ERICH1: variants seen among roughly 807,000 people sequenced by gnomAD.
The protein encoded by ERICH1 is glutamate-rich protein 1.
In ERICH1, 56 loss-of-function variants were observed where a neutral mutation model predicts 39.6. The observed-to-expected ratio is 1.41, with a 90% CI of 1.14 to 1.77. The LOEUF (loss-of-function observed/expected upper bound fraction) is 1.77, where lower values mean the gene tolerates loss of function less well. Among genes scored for constraint, ERICH1 ranks in the 40% most tolerant of loss-of-function variants. The pLI is 0.00. For synonymous variants in ERICH1, 313 were observed against 223.6 expected, an observed-to-expected ratio of 1.40 and a Z score of -3.57; for missense variants, 826 against 575.4, an observed-to-expected ratio of 1.44 and a Z score of -4.45.
intron 3 of ERICH1, among the ~76,000 whole-genome samples, chr8:654,637 T>C (rs1407005265): frequency 9.2e-5 from 14 of 152,156 alleles, no homozygotes; most frequent in Non-Finnish European, 1.3e-4. Context: ...AAGGGAAAGA[T>C]GGAAAGGAAC....
chr8:696,053 A>G (rs111088079), intron 2 of ERICH1, among the ~76,000 whole-genome samples: 9 of 5,784 alleles, frequency 1.6e-3, no homozygotes, highest in Admixed American at 4.1e-3. Flanking sequence ...CTCCCCATCA[A>G]CCTGCGCCTG....
At position 645,896 on chromosome 8, in the gene ERICH1, C is replaced by T. The variant is rs1397691686; in HGVS notation, c.976+22702G>A. On this transcript the variant is annotated intron_variant, in intron 3 of 3. Coordinates refer to the ERICH1 transcript ENST00000522706. ...CCTTCTGTTCTGAAATGGAACTTGG[C>T]GCTAACTGGATGATCAGGCATTTCT... 7.2e-5 allele frequency among the ~76,000 whole-genome samples: 5 copies of T among 69,118 alleles called. 2 individuals carry two copies. The highest frequency in any genetic ancestry group is 6.2e-4 in the Admixed American group (5 of 8,026). 45.3% of individuals were successfully genotyped at this position (69,118 alleles called of 152,430 possible).
At chr8:656,277 G>T (rs529372155) in intron 3 of ERICH1, among the ~76,000 whole-genome samples, 37 of 152,302 alleles carry the variant, frequency 2.4e-4, no homozygotes, top group African/African-American at 7.7e-4. Flanking sequence ...CCCCTGCAAA[G>T]CTGCTCCTCC....
chr8:636,123 G>A (rs745771790), intron 3 of ERICH1, among the ~76,000 whole-genome samples: 1 of 152,216 alleles, frequency 6.6e-6, no homozygotes, highest in Admixed American at 6.5e-5. Context: ...CTCAGCCTGG[G>A]GCTAATGTCT....
intron 2 of ERICH1, among the ~76,000 whole-genome samples, chr8:693,705 C>T (rs1433879520): frequency 1.3e-5 from 2 of 152,012 alleles, no homozygotes; most frequent in Admixed American, 6.6e-5. Context: ...AAGTCATCAC[C>T]ACCGTGGACG....
chr8:700,108 CGCGCACACACCCTCACAG>C (rs1811561215), intron 2 of ERICH1, among the ~76,000 whole-genome samples: 14 of 125,194 alleles, frequency 1.1e-4, no homozygotes, highest in South Asian at 2.6e-4. Flanking sequence ...GACCCGCACA[CGCGCACACACCCTCACAG>C]GCGCACAGAC....
At chr8:683,097 C>A (rs1178012320) in intron 3 of ERICH1, among the ~76,000 whole-genome samples, 2 of 152,190 alleles carry the variant, frequency 1.3e-5, no homozygotes, top group African/African-American at 4.8e-5. Flanking sequence ...CAAGGAAACA[C>A]TGGAGTCTCA....
rs75322776 is a variant in ERICH1 at position 656,832 on chromosome 8, C to T, written c.976+11766G>A. ...GGACTCCCTCACTCTGAAGAGCCCC[C>T]GGGGAGCCCCCCAGCATGCTCCAGC... is the stretch of plus-strand genomic sequence containing the variant. On this transcript the variant is annotated intron_variant, in intron 3 of 3. Transcript: ENST00000522706. 2,997 of 985,384 alleles carry T rather than the reference C, an allele frequency of 3.0e-3. 70 individuals carry two copies. The African/African-American group carries it at 0.049, about 16-fold the overall frequency. 61.0% of individuals were successfully genotyped at this position (985,384 alleles called of 1,614,324 possible).
intron 2 of ERICH1, among the ~76,000 whole-genome samples, chr8:708,698 T>TTTTTTTTTTG (rs1563319710): frequency 7.9e-5 from 11 of 139,770 alleles, no homozygotes; most frequent in South Asian, 7.4e-4. Flanking sequence ...TTTTTTTTTT[T>TTTTTTTTTTG]TTTTTTTTTT....
At chr8:723,761 C>T (rs960029735) in intron 1 of ERICH1, among the ~76,000 whole-genome samples, 3 of 152,092 alleles carry the variant, frequency 2.0e-5, no homozygotes, top group South Asian at 2.1e-4. Context: ...AGTTAAATGC[C>T]TGCTGAAAAT....
intron 3 of ERICH1, among the ~76,000 whole-genome samples, chr8:683,935 T>C (rs145297662): frequency 3.7e-4 from 56 of 152,360 alleles, no homozygotes; most frequent in African/African-American, 1.3e-3. Flanking sequence ...ACCGAATTAA[T>C]GTCCAAATTT....
intron 2 of ERICH1, among the ~76,000 whole-genome samples, chr8:708,872 T>G (rs1814064555): frequency 6.6e-6 from 1 of 151,696 alleles, no homozygotes; most frequent in Admixed American, 6.6e-5. Flanking sequence ...TTTGTACTTT[T>G]TGCTAGAGAT....
At chr8:704,816 A>AG (rs993583383) in intron 2 of ERICH1, among the ~76,000 whole-genome samples, 12 of 152,120 alleles carry the variant, frequency 7.9e-5, no homozygotes, top group Non-Finnish European at 8.8e-5. Flanking sequence ...TGACTCTGAA[A>AG]GGGGGGGTGG....
chr8:685,100 T>C (rs557030721), intron 3 of ERICH1, among the ~76,000 whole-genome samples: 1 of 152,352 alleles, frequency 6.6e-6, no homozygotes, highest in African/African-American at 2.4e-5. Flanking sequence ...AGGGCGTGTT[T>C]CATCCCTATC....
At chr8:702,147 C>G (rs180986286) in intron 2 of ERICH1, among the ~76,000 whole-genome samples, 4 of 149,218 alleles carry the variant, frequency 2.7e-5, no homozygotes, top group Admixed American at 1.3e-4. Context: ...TTTGAAGCAT[C>G]TAAAGAACCC....
At chr8:655,269 C>A (rs910767709) in intron 3 of ERICH1, among the ~76,000 whole-genome samples, 9 of 152,206 alleles carry the variant, frequency 5.9e-5, no homozygotes, top group Non-Finnish European at 1.0e-4. Flanking sequence ...TTCTAAAATT[C>A]TCTTTCACTC....
intron 3 of ERICH1, among the ~76,000 whole-genome samples, chr8:676,420 C>T (rs35550682): frequency 1.4e-4 from 2 of 14,134 alleles, no homozygotes; most frequent in African/African-American, 5.9e-4. Flanking sequence ...GCCCCCTCGG[C>T]GAGGACAGAG....
intron 3 of ERICH1, among the ~76,000 whole-genome samples, chr8:655,146 C>T (rs1225559453): frequency 2.6e-5 from 4 of 152,208 alleles, no homozygotes; most frequent in African/African-American, 4.8e-5. Flanking sequence ...CACGCCAAGT[C>T]GGCCCCAAGG....
At chr8:669,592 C>T (rs1457029061) in intron 4 of ERICH1, among the ~76,000 whole-genome samples, 1 of 151,612 alleles carries the variant, frequency 6.6e-6, no homozygotes, top group Non-Finnish European at 1.5e-5. Flanking sequence ...TCTGGTGGGA[C>T]GCCTCCCCTG....
Sources: allele counts gnomAD v4.1 joint callset (sites outside exome capture counted in the v4.1 genomes callset), GRCh38; gene constraint gnomAD v4.1.1; transcripts MANE v1.5; gene names NCBI Gene and HGNC (gene_info 2026-07-23, HGNC 2026-07-21).